Variants in CFAP74 observed in about 807,000 individuals in gnomAD.
CFAP74 encodes cilia- and flagella-associated protein 74.
CFAP74 carries 124 observed loss-of-function variants against 188.9 expected under a neutral mutation model. The observed-to-expected ratio is 0.66, with a 90% CI of 0.57 to 0.76. CFAP74 has a LOEUF of 0.76. Ranked by LOEUF, CFAP74 falls within the 30% of genes least tolerant of loss-of-function variation. The pLI is 0.00. For synonymous variants in CFAP74, 956 were observed against 916.7 expected (o/e 1.04, Z -0.77); for missense variants, 2,198 against 2,165.2 (o/e 1.02, Z -0.30).
At chr1:1,990,494 C>T (rs1368400449) in intron 2 of CFAP74, among the ~76,000 whole-genome samples, 1 of 151,986 alleles carries the variant, frequency 6.6e-6, no homozygotes, top group Non-Finnish European at 1.5e-5. Flanking sequence ...GAAATGCGTT[C>T]CCAGATTGCG....
intron 6 of CFAP74, among the ~76,000 whole-genome samples, chr1:1,978,374 G>A (rs1656583671): frequency 2.0e-5 from 3 of 152,156 alleles, no homozygotes; most frequent in South Asian, 2.1e-4. Flanking sequence ...GGAGGGAGCC[G>A]GGCTGGTTCC....
chr1:1,987,479 C>A (rs956712309), intron 4 of CFAP74, among the ~76,000 whole-genome samples: 1 of 152,062 alleles, frequency 6.6e-6, no homozygotes, highest in African/African-American at 2.4e-5. Context: ...CATGGTAGCT[C>A]CTGGGGGCGA....
rs751165796 is a variant in CFAP74, at chr1:1,923,490, G to A, written c.4399C>T (p.His1467Tyr). The A allele has an allele frequency of 6.2e-7, 1 of 1,609,508 alleles. No individual in the cohort carries two copies. The highest frequency in any genetic ancestry group is 8.5e-7 in the Non-Finnish European group (1 of 1,177,488). ...GCGGCACCCTTCAGCAGGATCTGGTGGGAGATTTTCTGGGGACAAGAAGTG... is the reference window on the plus strand; with the variant it reads ...GCGGCACCCTTCAGCAGGATCTGGTAGGAGATTTTCTGGGGACAAGAAGTG... ...QVVLFEKKIS[H>Y]QILLKGAACQ... The change falls in exon 36 of 39, where the codon CAC becomes TAC. Residue 1467 changes from histidine to tyrosine, a missense_variant. His to Tyr is a moderately conservative substitution (Grantham distance 83, BLOSUM62 2). Coordinates refer to ENST00000682832, the MANE Select transcript of CFAP74 (RefSeq NM_001304360.2). The surrounding 1 kb of genome is among the most constrained non-coding windows in gnomAD (Gnocchi z 6.3).
rs185733821 is a variant in CFAP74 at position 1,934,794 on chromosome 1, G to T, written c.3011+4061C>A. ...GTGTGTACGTGGGTGTTAGGTTGTA[G>T]GTACACACGTGTGTATGTGGGTGTT... On this transcript the variant is annotated intron_variant, in intron 25 of 38. Transcript: ENST00000682832. Among the ~76,000 whole-genome samples, 106 of 147,986 alleles carry T rather than the reference G, an allele frequency of 7.2e-4. 2 individuals are homozygous for T. Among genetic ancestry groups the T allele is most frequent in the Admixed American group, 1.6e-3 (24 of 14,936 alleles).
intron 6 of CFAP74, among the ~76,000 whole-genome samples, chr1:1,978,245 G>A (rs1656575900): frequency 6.6e-6 from 1 of 152,196 alleles, no homozygotes; most frequent in Non-Finnish European, 1.5e-5. Flanking sequence ...AAGCACCGAG[G>A]GGCACTCCGG....
At chr1:1,961,560 G>A (rs1195807035) in intron 14 of CFAP74, among the ~76,000 whole-genome samples, 1 of 152,084 alleles carries the variant, frequency 6.6e-6, no homozygotes, top group African/African-American at 2.4e-5. Flanking sequence ...GTGGCTGAGA[G>A]CACAGCGACC....
chr1:1,985,542 G>A, intron 5 of CFAP74, 52 bp from the exon 6 acceptor site: 1 of 1,426,056 alleles, frequency 7.0e-7, no homozygotes, highest in East Asian at 2.3e-5. Flanking sequence ...AGTCATCCAG[G>A]GGCCATCCAG....
At chr1:1,992,984 TG>T (rs1657678740) in intron 1 of CFAP74, among the ~76,000 whole-genome samples, 1 of 151,120 alleles carries the variant, frequency 6.6e-6, no homozygotes, top group Non-Finnish European at 1.5e-5. Flanking sequence ...GCAGATCACT[TG>T]AGGTCAGGAA....
Position 1,965,000 on chromosome 1 carries a change from A to C in CFAP74, c.1463T>G (p.Leu488Arg). 1 of 1,613,924 alleles carries C rather than the reference A, an allele frequency of 6.2e-7. No individual in the cohort carries two copies. Among genetic ancestry groups the C allele is most frequent in the Non-Finnish European group, 8.5e-7 (1 of 1,179,914 alleles). The change falls in exon 13 of 39, where the codon CTG becomes CGG. Residue 488 changes from leucine to arginine, a missense_variant. Physicochemically the swap from Leu to Arg is moderately radical, Grantham distance 102. Transcript: ENST00000682832. ...VGGTKMDKDILERTVERLRSR... is the reference protein window; with the variant it reads ...VGGTKMDKDIRERTVERLRSR... ...CCGCAGCCGCTCCACCGTGCGCTCC[A>C]GGATGTCCTTGTCCATCTTTGTCCC...
At chr1:1,938,153 TCA>T (rs938127867) in intron 25 of CFAP74, among the ~76,000 whole-genome samples, 25 of 140,558 alleles carry the variant, frequency 1.8e-4, no homozygotes, top group Non-Finnish European at 2.7e-4. Context: ...ATACATGCAC[TCA>T]CACTCAACCT....
intron 12 of CFAP74, 104 bp downstream of exon 12, chr1:1,966,267 G>A (rs1032374130): frequency 1.1e-4 from 125 of 1,118,850 alleles, no homozygotes; most frequent in Non-Finnish European, 9.6e-5. Flanking sequence ...GCCAGGAGAA[G>A]CCTCAGAGCA....
rs1367737232 is a variant in CFAP74 at position 1,973,478 on chromosome 1, C to G, written c.675-431G>C. Reference sequence around the variant, plus strand: ...GGGGATGGAGGCCAGAAGGGGGTCCCGAGGAGAGAGGCTCACGGCAGGTTG... The same window carrying G: ...GGGGATGGAGGCCAGAAGGGGGTCCGGAGGAGAGAGGCTCACGGCAGGTTG... On this transcript the variant is annotated intron_variant, in intron 7 of 38. Transcript: ENST00000682832. This position sits in a 1 kb window ranked among gnomAD's most constrained non-coding sequence, Gnocchi z 6.2. Among the ~76,000 whole-genome samples the G allele has an allele frequency of 6.6e-6, 1 of 151,752 alleles. No individual in the cohort carries two copies. Among genetic ancestry groups the G allele is most frequent in the South Asian group, 2.1e-4 (1 of 4,810 alleles).
intron 1 of CFAP74, among the ~76,000 whole-genome samples, chr1:2,000,128 C>T (rs1048190720): frequency 3.3e-5 from 5 of 152,084 alleles, no homozygotes; most frequent in African/African-American, 1.2e-4. Context: ...CGTGCCACTG[C>T]ACTCCAGCCT....
intron 6 of CFAP74, among the ~76,000 whole-genome samples, chr1:1,976,058 G>A (rs971667591): frequency 6.6e-6 from 1 of 152,368 alleles, no homozygotes; most frequent in East Asian, 1.9e-4. Context: ...CTCAAAGGCA[G>A]TGCCTGTCTG....
intron 18 of CFAP74, 24 bp from the exon 19 acceptor site, chr1:1,947,078 G>A (rs1376466677): frequency 3.3e-6 from 5 of 1,522,940 alleles, no homozygotes; most frequent in Non-Finnish European, 4.4e-6. Flanking sequence ...GGGATCCAGA[G>A]GTGAGGGTTG....
chr1:1,969,222 C>T (rs1475864107), intron 10 of CFAP74, among the ~76,000 whole-genome samples: 9 of 129,256 alleles, frequency 7.0e-5, no homozygotes, highest in Middle Eastern at 8.1e-3. Flanking sequence ...CCTGCCCAGC[C>T]CTGCCCTGCC....
chr1:1,926,341 A>C lies in CFAP74; in HGVS notation c.3835T>G (p.Phe1279Val), dbSNP rs1296706238. 6.5e-7 allele frequency: 1 copy of C among 1,548,188 alleles called. No homozygotes were observed. Among genetic ancestry groups the C allele is most frequent in the East Asian group, 2.4e-5 (1 of 40,884 alleles). The change falls in exon 32 of 39, where the codon TTC becomes GTC. Residue 1279 changes from phenylalanine (F) to valine (V), a missense_variant. Physicochemically the swap from Phe to Val is conservative, Grantham distance 50. Coordinates refer to ENST00000682832, the MANE Select transcript of CFAP74 (RefSeq NM_001304360.2). Reference sequence around the variant, plus strand: ...GGGCCGTTGGGGTTCAGCAGGGAGAAGTCCAGCTGAGGGTCCACGTCAAGG... The same window carrying C: ...GGGCCGTTGGGGTTCAGCAGGGAGACGTCCAGCTGAGGGTCCACGTCAAGG... ...NVSPEDLALD[F>V]SLLNPNGPFV...
At chr1:1,945,920 ACTCTGCATGTGTGCACGTGTGTGTGGG>A (rs1653728251) in intron 20 of CFAP74, among the ~76,000 whole-genome samples, 7 of 124,524 alleles carry the variant, frequency 5.6e-5, no homozygotes, top group South Asian at 2.6e-4. Context: ...GTGTGTGAGG[ACTCTGCATGTGTGCACGTGTGTGTGGG>A]GGCTCTGTGT....
rs1471410017 is a variant in CFAP74, at chr1:1,930,055, C to T, written c.3288+5G>A. 1.3e-6 allele frequency: 2 copies of T among 1,508,334 alleles called. No individual in the cohort carries two copies. Among genetic ancestry groups the T allele is most frequent in the Non-Finnish European group, 1.8e-6 (2 of 1,128,088 alleles). 93.4% of individuals were successfully genotyped at this position (1,508,334 alleles called of 1,614,324 possible). On this transcript the variant is annotated splice_donor_5th_base_variant and intron_variant, in intron 26 of 38. Transcript: ENST00000682832. ...TCCCAGCCTGCATGTGGGGCCCACA[C>T]CCACCTTTCCTGGCCACACGGTCCC...
Sources: gnomAD v4.1 joint callset for allele counts (sites outside exome capture counted in the v4.1 genomes callset) on GRCh38, gnomAD v4.1.1 for gene constraint, Gnocchi (gnomAD v3.1) non-coding constraint, MANE v1.5 for transcripts, NCBI Gene and HGNC (gene_info 2026-07-23, HGNC 2026-07-21) for gene names.